Variants in KSR2 observed in about 807,000 individuals in gnomAD.
KSR2 encodes the protein kinase suppressor of ras 2.
Under a neutral mutation model 107.8 loss-of-function variants are expected in KSR2, and 25 were observed. That is an observed-to-expected ratio of 0.23 (90% CI 0.17 to 0.32). The LOEUF (loss-of-function observed/expected upper bound fraction) is 0.32, where lower values mean the gene tolerates loss of function less well. KSR2 is among the 10% of genes least tolerant of loss of function. The probability of loss-of-function intolerance (pLI) is 1.00; values close to 1 mark genes in which losing one functional copy is unlikely to be tolerated. For missense variants in KSR2, 887 were observed against 1,268.9 expected, an observed-to-expected ratio of 0.70 and a Z score of 4.57; for synonymous variants, 480 against 507.0, an observed-to-expected ratio of 0.95 and a Z score of 0.71.
At chr12:117,857,241 G>A (rs1407639733) in intron 2 of KSR2, among the ~76,000 whole-genome samples, 1 of 151,972 alleles carries the variant, frequency 6.6e-6, no homozygotes, top group Non-Finnish European at 1.5e-5. Flanking sequence ...AAATTTTTTT[G>A]TAGAGATAGG....
chr12:117,783,452 A>G (rs770403211), intron 3 of KSR2, among the ~76,000 whole-genome samples: 10 of 152,164 alleles, frequency 6.6e-5, no homozygotes, highest in Admixed American at 1.3e-4. Flanking sequence ...AGTGTCACCC[A>G]CCTCATAGGA....
At chr12:117,678,735 G>A (rs1885245858) in intron 4 of KSR2, among the ~76,000 whole-genome samples, 1 of 152,180 alleles carries the variant, frequency 6.6e-6, no homozygotes, top group African/African-American at 2.4e-5. Flanking sequence ...GCAAAGGCAG[G>A]TTTTCTGTGG....
rs148060518 is a variant in KSR2 at position 117,607,701 on chromosome 12, G to A, written c.1172-25342C>T. ...GGAGAGGAGAGGAGAGGAGAGGGAA[G>A]CACAGAGGAGCAGGGAGCAGCCTTG... On this transcript the variant is annotated intron_variant, in intron 5 of 19. Coordinates refer to ENST00000339824, the MANE Select transcript of KSR2 (RefSeq NM_173598.6). Among the ~76,000 whole-genome samples, 78 of 151,638 alleles carry A rather than the reference G, an allele frequency of 5.1e-4. 1 individual carries two copies. Among genetic ancestry groups the A allele is most frequent in the Middle Eastern group, 3.4e-3 (1 of 294 alleles).
chr12:117,832,101 A>G lies in KSR2; in HGVS notation c.472+23327T>C, dbSNP rs560440449. ...GGAGTTTGAGACTATCCTGGCCAACATGGTGAAACCCCGTCTCTACTAAAA... is the reference window on the plus strand; with the variant it reads ...GGAGTTTGAGACTATCCTGGCCAACGTGGTGAAACCCCGTCTCTACTAAAA... On this transcript the variant is annotated intron_variant, in intron 3 of 19. Coordinates refer to ENST00000339824, the MANE Select transcript of KSR2 (RefSeq NM_173598.6). Among the ~76,000 whole-genome samples, 53 of 152,308 alleles carry G rather than the reference A, an allele frequency of 3.5e-4. No homozygotes were observed. In the South Asian group the frequency reaches 9.7e-3, roughly 28 times the overall value.
intron 4 of KSR2, among the ~76,000 whole-genome samples, chr12:117,738,070 T>C (rs477022): frequency 0.2 from 30,015 of 152,032 alleles, 3,629 homozygotes; most frequent in South Asian, 0.29. Flanking sequence ...CACGTTGTTA[T>C]TGGGCAGAAG....
intron 1 of KSR2, among the ~76,000 whole-genome samples, chr12:117,866,038 C>T (rs1042339462): frequency 3.0e-4 from 37 of 124,224 alleles, no homozygotes; most frequent in African/African-American, 1.0e-3. Flanking sequence ...TAATCTCTCT[C>T]TTTTTTTTTT....
intron 3 of KSR2, among the ~76,000 whole-genome samples, chr12:117,784,270 G>C (rs936057558): frequency 6.6e-6 from 1 of 152,096 alleles, no homozygotes; most frequent in Non-Finnish European, 1.5e-5. Flanking sequence ...CCCATACTGT[G>C]TCTCATGGTA....
intron 4 of KSR2, among the ~76,000 whole-genome samples, chr12:117,675,659 C>A (rs1885085502): frequency 6.6e-6 from 1 of 152,204 alleles, no homozygotes; most frequent in African/African-American, 2.4e-5. Context: ...GTGCTGGGGT[C>A]TGAGTGAAAC....
At chr12:117,493,486 C>G (rs993982726) in intron 14 of KSR2, among the ~76,000 whole-genome samples, 2 of 152,156 alleles carry the variant, frequency 1.3e-5, no homozygotes, top group Non-Finnish European at 2.9e-5. Flanking sequence ...TTTGCCTCTG[C>G]CATTTCCTTG....
chr12:117,698,286 G>A lies in KSR2; in HGVS notation c.987-30628C>T, dbSNP rs200862875. 2.0e-5 allele frequency among the ~76,000 whole-genome samples: 3 copies of A among 151,976 alleles called. No homozygotes were observed. The East Asian group carries it at 5.8e-4, about 29-fold the overall frequency. Reference sequence around the variant, plus strand: ...CTTCCTCTCTTAGTTGAACTCCCGAGACGTCCCACTGTTAATGGCTTCTTG... The same window carrying A: ...CTTCCTCTCTTAGTTGAACTCCCGAAACGTCCCACTGTTAATGGCTTCTTG... On this transcript the variant is annotated intron_variant, in intron 4 of 19. Transcript: ENST00000339824.
chr12:117,883,165 T>C lies in KSR2; in HGVS notation c.181-22734A>G, dbSNP rs922389882. 2.0e-5 allele frequency among the ~76,000 whole-genome samples: 3 copies of C among 152,310 alleles called. No individual in the cohort carries two copies. The South Asian group carries it at 6.2e-4, about 32-fold the overall frequency. Reference sequence around the variant, plus strand: ...CTCCTGGTACCCATCTAGCACCATATATTAAAAACATAAGGAAACTGGGAT... The same window carrying C: ...CTCCTGGTACCCATCTAGCACCATACATTAAAAACATAAGGAAACTGGGAT... On this transcript the variant is annotated intron_variant, in intron 1 of 19. Transcript: ENST00000339824.
intron 1 of KSR2, among the ~76,000 whole-genome samples, chr12:117,869,067 T>C (rs1424660525): frequency 1.3e-5 from 2 of 151,430 alleles, no homozygotes; most frequent in Non-Finnish European, 2.9e-5. Flanking sequence ...ATATTTTCCT[T>C]GTAAGAAAGT....
intron 1 of KSR2, among the ~76,000 whole-genome samples, chr12:117,891,728 TGCAATCCTA>T (rs1430055541): frequency 6.6e-6 from 1 of 152,186 alleles, no homozygotes; most frequent in Non-Finnish European, 1.5e-5. Flanking sequence ...GGCTCATGCC[TGCAATCCTA>T]GCACTTTGGG....
chr12:117,792,876 T>C (rs961425175), intron 3 of KSR2, among the ~76,000 whole-genome samples: 1 of 151,872 alleles, frequency 6.6e-6, no homozygotes, highest in African/African-American at 2.4e-5. Flanking sequence ...CACACCAACA[T>C]GCACACACAC....
chr12:117,676,252 T>C (rs1421567371), intron 4 of KSR2, among the ~76,000 whole-genome samples: 4 of 152,098 alleles, frequency 2.6e-5, no homozygotes, highest in African/African-American at 7.2e-5. Context: ...TCCCCAAGCA[T>C]GGCATTAATC....
chr12:117,571,557 T>C (rs1420610680), intron 7 of KSR2, among the ~76,000 whole-genome samples: 1 of 152,124 alleles, frequency 6.6e-6, no homozygotes, highest in East Asian at 1.9e-4. Flanking sequence ...TCTGTAGCAG[T>C]GGCTGGTCAA....
At chr12:117,911,659 A>G (rs1342950237) in intron 1 of KSR2, among the ~76,000 whole-genome samples, 1 of 151,980 alleles carries the variant, frequency 6.6e-6, no homozygotes, top group Non-Finnish European at 1.5e-5. Context: ...TTAGAAGCCC[A>G]TGTCCTGATC....
intron 3 of KSR2, among the ~76,000 whole-genome samples, chr12:117,848,784 GGGT>G (rs1892793392): frequency 6.8e-6 from 1 of 146,498 alleles, no homozygotes; most frequent in Non-Finnish European, 1.5e-5. Flanking sequence ...TGATGGTGGT[GGGT>G]GGTGATGGTG....
chr12:117,968,304 A>G lies in KSR2; in HGVS notation c.-49T>C. The G allele has an allele frequency of 1.5e-6, 1 of 680,644 alleles. No individual in the cohort carries two copies. Among genetic ancestry groups the G allele is most frequent in the East Asian group, 6.6e-5 (1 of 15,232 alleles). 42.2% of individuals were successfully genotyped at this position (680,644 alleles called of 1,614,324 possible). On this transcript the variant is annotated 5_prime_UTR_variant, in exon 1 of 20. Transcript: ENST00000339824. The stretch of plus-strand genomic sequence containing the variant: ...CCTCCTCCTCCTCCCAGAGAGAAAA[A>G]AGAGGGGGGGGAGTAGAGGTAGTCT...
Sources: allele counts gnomAD v4.1 joint callset (sites outside exome capture counted in the v4.1 genomes callset), GRCh38; gene constraint gnomAD v4.1.1; transcripts MANE v1.5; gene names NCBI Gene and HGNC (gene_info 2026-07-23, HGNC 2026-07-21).